Variants in CTNNA2 observed in about 807,000 individuals in gnomAD.
The protein encoded by CTNNA2 is catenin alpha 2, also known as catenin alpha-2.
A neutral mutation model predicts 101.0 loss-of-function variants in CTNNA2; 42 were observed. The ratio of observed to expected loss-of-function variants is 0.42; its 90% CI spans 0.32 to 0.54. The LOEUF (loss-of-function observed/expected upper bound fraction) is 0.54, where lower values mean the gene tolerates loss of function less well. Ranked by LOEUF, CTNNA2 falls within the 20% of genes least tolerant of loss-of-function variation. The pLI is 0.14. For missense variants in CTNNA2, 871 were observed against 1,223.1 expected (o/e 0.71, Z 4.29); for synonymous variants, 450 against 456.4 (o/e 0.99, Z 0.18).
At chr2:79,488,318 CAAAAAAAAAAAA>C (rs61641596) in intron 4 of CTNNA2, among the ~76,000 whole-genome samples, 2 of 99,876 alleles carry the variant, frequency 2.0e-5, no homozygotes, top group African/African-American at 3.1e-5. Flanking sequence ...AACTCCATCT[CAAAAAAAAAAAA>C]AAAAAAAAAA....
At chr2:80,276,582 C>T (rs1156602748) in intron 7 of CTNNA2, among the ~76,000 whole-genome samples, 1 of 151,764 alleles carries the variant, frequency 6.6e-6, no homozygotes, top group African/African-American at 2.4e-5. Flanking sequence ...TGTACTTTCA[C>T]TAATAGCAGA....
intron 7 of CTNNA2, among the ~76,000 whole-genome samples, chr2:80,158,618 A>G (rs1704121764): frequency 6.6e-6 from 1 of 152,180 alleles, no homozygotes; most frequent in African/African-American, 2.4e-5. Context: ...TGTTTTAAGA[A>G]TGTCATACAG....
intron 3 of CTNNA2, chr2:79,339,483 T>A (rs1452877012): frequency 6.6e-6 from 1 of 152,150 alleles, no homozygotes; most frequent in Non-Finnish European, 1.5e-5. Flanking sequence ...AAAGTCAAAG[T>A]GAATTCTTAA....
In CTNNA2 at chr2:79,909,710, G is replaced by A; in HGVS notation, c.969G>A (p.Thr323=). The change falls in exon 7 of 19, where the codon ACG becomes ACA. Residue 323 remains threonine (T), a synonymous_variant. Coordinates refer to ENST00000402739, the MANE Select transcript of CTNNA2 (RefSeq NM_001282597.3). ...GAALMADSSC[T]RDDRRERIVA... is the part of the protein sequence containing the mutation. ...CGCTGATGGCCGACTCCTCCTGCAC[G>A]CGAGACGACCGGCGCGAGAGGATCG... is the stretch of plus-strand genomic sequence containing the variant. The A allele has an allele frequency of 1.2e-6, 2 of 1,613,976 alleles. No homozygotes were observed. The highest frequency in any genetic ancestry group is 2.2e-5 in the East Asian group (1 of 44,870).
At chr2:80,001,602 C>T (rs889828856) in intron 7 of CTNNA2, among the ~76,000 whole-genome samples, 1 of 152,068 alleles carries the variant, frequency 6.6e-6, no homozygotes, top group African/African-American at 2.4e-5. Flanking sequence ...GAATAAAGGC[C>T]AGGAATGTGT....
intron 18 of CTNNA2, among the ~76,000 whole-genome samples, chr2:80,637,311 A>T (rs1672983662): frequency 6.6e-6 from 1 of 152,188 alleles, no homozygotes; most frequent in Non-Finnish European, 1.5e-5. Flanking sequence ...TTTCATTTTT[A>T]ATTTTAAAGA....
chr2:80,279,172 C>T (rs1205403752), intron 7 of CTNNA2, among the ~76,000 whole-genome samples: 1 of 151,408 alleles, frequency 6.6e-6, no homozygotes, highest in African/African-American at 2.4e-5. Context: ...GAGAAACATT[C>T]CTGAGGCAAG....
intron 7 of CTNNA2, among the ~76,000 whole-genome samples, chr2:79,983,666 T>A (rs550672408): frequency 6.6e-6 from 1 of 151,106 alleles, no homozygotes; most frequent in East Asian, 1.9e-4. Context: ...CTGTAACTGA[T>A]AAGAACCTCG....
chr2:79,833,123 T>G (rs1371334947), intron 3 of CTNNA2, among the ~76,000 whole-genome samples: 1 of 152,228 alleles, frequency 6.6e-6, no homozygotes, highest in Non-Finnish European at 1.5e-5. Context: ...CATTTGATTT[T>G]GAGAATTTCC....
intron 7 of CTNNA2, among the ~76,000 whole-genome samples, chr2:80,331,350 A>T (rs892408691): frequency 6.6e-6 from 1 of 152,164 alleles, no homozygotes; most frequent in Non-Finnish European, 1.5e-5. Flanking sequence ...ATCCAAGCGT[A>T]TGGGTTTAAA....
chr2:80,555,120 C>T (rs150628292), intron 11 of CTNNA2, among the ~76,000 whole-genome samples: 340 of 150,780 alleles, frequency 2.3e-3, no homozygotes, highest in African/African-American at 7.2e-3. Flanking sequence ...TTGCATATAC[C>T]GTGTGCATGA....
At chr2:79,821,729 AT>A (rs1443701157) in intron 3 of CTNNA2, among the ~76,000 whole-genome samples, 1 of 152,186 alleles carries the variant, frequency 6.6e-6, no homozygotes, top group Non-Finnish European at 1.5e-5. Context: ...AATAACAGAT[AT>A]GATTGGCAGG....
chr2:79,891,177 A>G (rs1011255916), intron 6 of CTNNA2, among the ~76,000 whole-genome samples: 1 of 152,016 alleles, frequency 6.6e-6, no homozygotes, highest in Non-Finnish European at 1.5e-5. Context: ...TTGAGGGCCC[A>G]AATGAATTTA....
At chr2:80,042,741 A>G (rs1342591148) in intron 7 of CTNNA2, among the ~76,000 whole-genome samples, 1 of 152,208 alleles carries the variant, frequency 6.6e-6, no homozygotes, top group East Asian at 1.9e-4. Context: ...GAGGGGTTAG[A>G]GGGATTTGTG....
intron 9 of CTNNA2, among the ~76,000 whole-genome samples, chr2:80,541,980 A>G (rs1691602372): frequency 2.0e-5 from 3 of 151,336 alleles, no homozygotes; most frequent in African/African-American, 7.3e-5. Flanking sequence ...TTCAACAATT[A>G]TAAACTAATG....
intron 7 of CTNNA2, among the ~76,000 whole-genome samples, chr2:79,993,567 T>C (rs1343811641): frequency 1.3e-5 from 2 of 151,958 alleles, no homozygotes; most frequent in Non-Finnish European, 2.9e-5. Context: ...AAATGACAAA[T>C]GTTTCAGGAA....
At chr2:80,384,462 G>A (rs906920406) in intron 7 of CTNNA2, among the ~76,000 whole-genome samples, 2 of 151,448 alleles carry the variant, frequency 1.3e-5, no homozygotes, top group African/African-American at 4.9e-5. Context: ...AAAGGAAATA[G>A]GAGTTCAGTA....
At chr2:79,319,117 A>G (rs776478548) in intron 3 of CTNNA2, among the ~76,000 whole-genome samples, 1 of 152,176 alleles carries the variant, frequency 6.6e-6, no homozygotes, top group Non-Finnish European at 1.5e-5. Flanking sequence ...AGATTAACAA[A>G]CATACTACTC....
intron 1 of CTNNA2, among the ~76,000 whole-genome samples, chr2:79,590,628 C>T (rs1050126192): frequency 2.6e-5 from 4 of 152,002 alleles, no homozygotes; most frequent in Non-Finnish European, 5.9e-5. Context: ...TAAAAAAAAA[C>T]ATCAGATTTG....
Sources: gnomAD v4.1 joint callset for allele counts (sites outside exome capture counted in the v4.1 genomes callset) on GRCh38, gnomAD v4.1.1 for gene constraint, MANE v1.5 for transcripts, NCBI Gene and HGNC (gene_info 2026-07-23, HGNC 2026-07-21) for gene names.